NBEA: variants seen among roughly 807,000 people sequenced by gnomAD.
NBEA encodes lysosomal-trafficking regulator 2.
In NBEA, 44 loss-of-function variants were observed where a neutral mutation model predicts 343.4. The ratio of observed to expected loss-of-function variants is 0.13; its 90% CI spans 0.10 to 0.16. The LOEUF is 0.16. NBEA is among the 10% of genes least tolerant of loss of function. The pLI is 1.00. For synonymous variants in NBEA, 1,175 were observed against 1,238.7 expected, an observed-to-expected ratio of 0.95 and a Z score of 1.08; for missense variants, 2,555 against 3,631.3, an observed-to-expected ratio of 0.70 and a Z score of 7.62.
chr13:34,949,866 C>T (rs1297946401), intron 1 of NBEA, among the ~76,000 whole-genome samples: 1 of 151,960 alleles, frequency 6.6e-6, no homozygotes, highest in Non-Finnish European at 1.5e-5. Context: ...TTTTCACCCT[C>T]TGGTAAGGTG....
At chr13:35,473,404 C>G (rs17816240) in intron 41 of NBEA, among the ~76,000 whole-genome samples, 4,434 of 152,138 alleles carry the variant, frequency 0.029, 117 homozygotes, top group Non-Finnish European at 0.046. Flanking sequence ...ACAAATGCTC[C>G]CACAGATCCA....
At chr13:35,345,108 T>A (rs2039799380) in intron 36 of NBEA, among the ~76,000 whole-genome samples, 1 of 152,104 alleles carries the variant, frequency 6.6e-6, no homozygotes, top group Admixed American at 6.6e-5. Context: ...TTTTAAAAAT[T>A]TCTAAAAATG....
chr13:34,985,810 A>C (rs1337661842), intron 1 of NBEA, among the ~76,000 whole-genome samples: 4 of 150,696 alleles, frequency 2.7e-5, no homozygotes, highest in Non-Finnish European at 4.5e-5. Context: ...TAGATTTTCT[A>C]GTTTATTTGC....
At chr13:34,968,396 C>G (rs973379594) in intron 1 of NBEA, among the ~76,000 whole-genome samples, 1 of 152,094 alleles carries the variant, frequency 6.6e-6, no homozygotes, top group African/African-American at 2.4e-5. Flanking sequence ...AGGGCCCCAA[C>G]ATGAGTTAGC....
At chr13:35,213,674 A>G (rs2073911007) in intron 33 of NBEA, among the ~76,000 whole-genome samples, 2 of 146,886 alleles carry the variant, frequency 1.4e-5, no homozygotes, top group Non-Finnish European at 3.1e-5. Flanking sequence ...TTCTAAATTG[A>G]TTTATTCTTA....
At chr13:35,428,694 C>T (rs1054357961) in intron 38 of NBEA, among the ~76,000 whole-genome samples, 1 of 151,868 alleles carries the variant, frequency 6.6e-6, no homozygotes. Flanking sequence ...CTTTTAAATT[C>T]TCTGCCATTT....
chr13:35,421,557 A>C (rs2044272166), intron 38 of NBEA, among the ~76,000 whole-genome samples: 1 of 152,078 alleles, frequency 6.6e-6, no homozygotes, highest in Non-Finnish European at 1.5e-5. Flanking sequence ...AGTAAAACAT[A>C]ATTTAGAAAA....
chr13:35,377,039 T>A lies in NBEA; in HGVS notation c.6179+24716T>A, dbSNP rs1197801589. 2.0e-5 allele frequency among the ~76,000 whole-genome samples: 3 copies of A among 152,294 alleles called. No homozygotes were observed. The East Asian group carries it at 5.8e-4, about 29-fold the overall frequency. Reference sequence around the variant, plus strand: ...TTGTTTTCATGATTCCTTGAAGAGCTAAGACATAGAGAAATAGATCATTAA... The same window carrying A: ...TTGTTTTCATGATTCCTTGAAGAGCAAAGACATAGAGAAATAGATCATTAA... On this transcript the variant is annotated intron_variant, in intron 38 of 58. Coordinates refer to ENST00000379939, the MANE Select transcript of NBEA (RefSeq NM_001385012.1).
At chr13:35,639,956 C>CAAA (rs1256138156) in intron 49 of NBEA, among the ~76,000 whole-genome samples, 64 of 63,272 alleles carry the variant, frequency 1.0e-3, no homozygotes, top group African/African-American at 3.0e-3. Flanking sequence ...TTACATTTAC[C>CAAA]AAAAAAAAAA....
chr13:35,143,811 C>T (rs2152697219), intron 18 of NBEA, among the ~76,000 whole-genome samples: 1 of 151,728 alleles, frequency 6.6e-6, no homozygotes, highest in South Asian at 2.1e-4. Flanking sequence ...CTGCTAGATC[C>T]CAGGAGGTCA....
intron 16 of NBEA, among the ~76,000 whole-genome samples, chr13:35,119,925 C>T (rs1279394255): frequency 1.3e-5 from 2 of 152,140 alleles, no homozygotes; most frequent in African/African-American, 2.4e-5. Flanking sequence ...CTATATGAAA[C>T]TGTTGATACT....
chr13:35,199,589 C>T (rs747467288), intron 31 of NBEA, among the ~76,000 whole-genome samples: 4 of 152,030 alleles, frequency 2.6e-5, no homozygotes, highest in Admixed American at 6.6e-5. Flanking sequence ...GACATGCTAA[C>T]AATGATTTCC....
intron 21 of NBEA, 39 bp from the exon 22 acceptor site, chr13:35,158,977 G>A (rs762858016): frequency 5.4e-6 from 8 of 1,485,202 alleles, no homozygotes; most frequent in Non-Finnish European, 7.2e-6. Flanking sequence ...TTTTTGATAT[G>A]TACAAAATGC....
chr13:35,329,911 C>T (rs1792329363), intron 36 of NBEA, among the ~76,000 whole-genome samples: 2 of 152,004 alleles, frequency 1.3e-5, no homozygotes, highest in Admixed American at 1.3e-4. Context: ...TTCTTTACTT[C>T]TCACACTGAA....
chr13:35,288,987 C>T (rs2035620497), intron 34 of NBEA, among the ~76,000 whole-genome samples: 1 of 151,760 alleles, frequency 6.6e-6, no homozygotes, highest in African/African-American at 2.4e-5. Flanking sequence ...AACTGTCTGC[C>T]CAAATATCTG....
chr13:35,659,952 C>T (rs1269931557), intron 55 of NBEA, among the ~76,000 whole-genome samples: 2 of 152,172 alleles, frequency 1.3e-5, no homozygotes, highest in African/African-American at 2.4e-5. Flanking sequence ...TGAAAGAGAG[C>T]AGAGCAGAGC....
At chr13:35,581,356 A>G (rs2081024734) in intron 45 of NBEA, among the ~76,000 whole-genome samples, 1 of 151,870 alleles carries the variant, frequency 6.6e-6, no homozygotes, top group African/African-American at 2.4e-5. Flanking sequence ...TTTGATTTGC[A>G]TTTCTCTGAT....
At chr13:35,264,357 T>C (rs2033478516) in intron 34 of NBEA, among the ~76,000 whole-genome samples, 1 of 151,926 alleles carries the variant, frequency 6.6e-6, no homozygotes, top group Admixed American at 6.6e-5. Flanking sequence ...TCTCAAACCC[T>C]TTTAAAAAAT....
At chr13:35,595,380 C>T (rs2081742282) in intron 47 of NBEA, among the ~76,000 whole-genome samples, 2 of 151,950 alleles carry the variant, frequency 1.3e-5, no homozygotes, top group Non-Finnish European at 2.9e-5. Context: ...TCATAAGAAG[C>T]TCATTTCCCC....
Sources: gnomAD v4.1 joint callset for allele counts (sites outside exome capture counted in the v4.1 genomes callset) on GRCh38, gnomAD v4.1.1 for gene constraint, MANE v1.5 for transcripts, NCBI Gene and HGNC (gene_info 2026-07-23, HGNC 2026-07-21) for gene names.